The following TMEM135 variants were observed in gnomAD, a reference collection of about 807,000 sequenced individuals.
TMEM135 encodes the protein peroxisomal membrane protein 52.
A neutral mutation model predicts 60.3 loss-of-function variants in TMEM135; 30 were observed. The observed-to-expected ratio is 0.50, with a 90% CI of 0.37 to 0.68. The LOEUF (loss-of-function observed/expected upper bound fraction) is 0.68. Among genes scored for constraint, TMEM135 ranks in the 30% least tolerant of loss-of-function variants. The probability of loss-of-function intolerance (pLI) is 0.00; values close to 1 mark genes in which losing one functional copy is unlikely to be tolerated. For missense variants in TMEM135, 468 were observed against 548.8 expected, an observed-to-expected ratio of 0.85 and a Z score of 1.47; for synonymous variants, 190 against 186.7, an observed-to-expected ratio of 1.02 and a Z score of -0.14.
rs764935516 is a variant in TMEM135, at chr11:87,324,646, G to C, written c.*3313G>C. The C allele has an allele frequency of 2.2e-6, 1 of 450,202 alleles. No individual in the cohort carries two copies. The highest frequency in any genetic ancestry group is 1.6e-5 in the South Asian group (1 of 63,466). The allele number at this position is 450,202 out of a possible 1,614,324, so 27.9% of individuals were successfully genotyped here. A position where few individuals can be genotyped will look rare whatever the true frequency, so the allele number is the denominator to read the frequency against. ...AGGTGTTGCTATGTTGTCCAGGCTG[G>C]TCTTAAACTCCTGGCCTCAAGTGAT... On this transcript the variant is annotated 3_prime_UTR_variant, in exon 15 of 15. Transcript: ENST00000305494.
chr11:87,306,902 G>A (rs1436468108), intron 9 of TMEM135, among the ~76,000 whole-genome samples: 2 of 151,906 alleles, frequency 1.3e-5, no homozygotes, highest in Admixed American at 6.6e-5. Flanking sequence ...TTGTGTTTTA[G>A]TAGAGGCAGG....
chr11:87,142,189 G>T (rs1379728920), intron 4 of TMEM135, among the ~76,000 whole-genome samples: 3 of 152,204 alleles, frequency 2.0e-5, no homozygotes, highest in Non-Finnish European at 2.9e-5. Context: ...GAGCATGGAT[G>T]AGCTCGAGCA....
intron 2 of TMEM135, 139 bp downstream of exon 2, chr11:87,067,960 A>C: frequency 9.4e-7 from 1 of 1,060,832 alleles, no homozygotes; most frequent in Non-Finnish European, 1.4e-6. Flanking sequence ...ATTTATGTCA[A>C]TGAAAGCTTG....
At chr11:87,120,109 T>A (rs1350219479) in intron 4 of TMEM135, among the ~76,000 whole-genome samples, 3 of 135,568 alleles carry the variant, frequency 2.2e-5, no homozygotes, top group Non-Finnish European at 4.8e-5. Context: ...GTTTTTTTCT[T>A]CTTCTTCTTT....
intron 5 of TMEM135, among the ~76,000 whole-genome samples, chr11:87,161,574 T>A (rs1033549391): frequency 6.6e-6 from 1 of 152,196 alleles, no homozygotes; most frequent in Non-Finnish European, 1.5e-5. Flanking sequence ...AAGGCAGGAT[T>A]TCAAACCCTG....
At chr11:87,195,756 T>C (rs1591094817) in intron 5 of TMEM135, among the ~76,000 whole-genome samples, 1 of 152,184 alleles carries the variant, frequency 6.6e-6, no homozygotes, top group Non-Finnish European at 1.5e-5. Context: ...TGTTTTTGCA[T>C]GCCTGTTATT....
chr11:87,060,535 A>G (rs1949935662), intron 1 of TMEM135, among the ~76,000 whole-genome samples: 1 of 152,226 alleles, frequency 6.6e-6, no homozygotes, highest in African/African-American at 2.4e-5. Flanking sequence ...ATGTGTTTTG[A>G]CTTCAACATC....
At chr11:87,122,784 T>C (rs1937624699) in intron 4 of TMEM135, among the ~76,000 whole-genome samples, 2 of 152,178 alleles carry the variant, frequency 1.3e-5, no homozygotes, top group African/African-American at 4.8e-5. Context: ...TTTAAATCTA[T>C]CCGGCTATTA....
Position 87,223,696 on chromosome 11 carries a change from C to CACAT in TMEM135, c.463-12941_463-12940insCATA, listed in dbSNP as rs1326714722. 2.8e-3 allele frequency among the ~76,000 whole-genome samples: 421 copies of CACAT among 149,520 alleles called. 1 individual carries two copies. The highest frequency in any genetic ancestry group is 1.0e-2 in the African/African-American group (405 of 40,560). On this transcript the variant is annotated intron_variant, in intron 5 of 14. Transcript: ENST00000305494. ...ACACACACACACACACACACACACA[C>CACAT]AAAATTAGCTGGGTGTGGTTGTGTA...
At chr11:87,308,346 T>TTTTC (rs1189887754) in intron 9 of TMEM135, among the ~76,000 whole-genome samples, 2 of 152,222 alleles carry the variant, frequency 1.3e-5, no homozygotes, top group African/African-American at 4.8e-5. Flanking sequence ...AATGGCAAGA[T>TTTTC]GAAAGTGTGA....
chr11:87,068,029 G>T (rs1024095217), intron 2 of TMEM135, among the ~76,000 whole-genome samples: 5 of 151,530 alleles, frequency 3.3e-5, no homozygotes, highest in Non-Finnish European at 5.9e-5. Flanking sequence ...TTAAATTATT[G>T]GTGTAATTAT....
At chr11:87,045,682 G>C (rs561485648) in intron 1 of TMEM135, among the ~76,000 whole-genome samples, 19 of 152,334 alleles carry the variant, frequency 1.2e-4, no homozygotes, top group African/African-American at 4.6e-4. Flanking sequence ...TATTGTGATA[G>C]AGATTAGTCT....
intron 1 of TMEM135, among the ~76,000 whole-genome samples, chr11:87,065,996 ATT>A (rs980214078): frequency 3.0e-4 from 46 of 152,270 alleles, no homozygotes; most frequent in African/African-American, 1.1e-3. Context: ...CTTATTCATC[ATT>A]GTTTTGCCTG....
At position 87,314,413 on chromosome 11, in the gene TMEM135, C is replaced by T. The variant is rs956246761; in HGVS notation, c.1001-58C>T. 10 of 1,406,024 alleles carry T rather than the reference C, an allele frequency of 7.1e-6. No individual in the cohort carries two copies. The African/African-American group carries it at 8.5e-5, about 12-fold the overall frequency. The allele number at this position is 1,406,024 out of a possible 1,614,324, so 87.1% of individuals were successfully genotyped here. A position where few individuals can be genotyped will look rare whatever the true frequency, so the allele number is the denominator to read the frequency against. ...GTAAGTGAATTAACATTTCTGATGA[C>T]ATAATAACAAATAAATACTCTGCGA... On this transcript the variant is annotated intron_variant, in intron 11 of 14. Transcript: ENST00000305494.
intron 6 of TMEM135, among the ~76,000 whole-genome samples, chr11:87,265,974 A>G (rs1428791495): frequency 6.6e-6 from 1 of 152,148 alleles, no homozygotes; most frequent in Non-Finnish European, 1.5e-5. Flanking sequence ...CCTTACAGCT[A>G]AAAGGTTTTC....
At chr11:87,134,018 AT>A (rs34749280) in intron 4 of TMEM135, among the ~76,000 whole-genome samples, 113,630 of 149,712 alleles carry the variant, frequency 0.76, 43,800 homozygotes, top group East Asian at 0.91. Context: ...ATATGCTTTC[AT>A]TTTTTTTTTT....
chr11:87,138,546 A>G (rs1442862260), intron 4 of TMEM135, among the ~76,000 whole-genome samples: 1 of 152,080 alleles, frequency 6.6e-6, no homozygotes, highest in Non-Finnish European at 1.5e-5. Flanking sequence ...AGTCCAAACA[A>G]TGACTTACTC....
At chr11:87,091,302 G>A in intron 3 of TMEM135, 60 bp from the exon 4 acceptor site, 1 of 1,415,016 alleles carries the variant, frequency 7.1e-7, no homozygotes, top group Non-Finnish European at 1.0e-6. Flanking sequence ...TCTAATAAAT[G>A]ATAAAGTGAT....
intron 4 of TMEM135, among the ~76,000 whole-genome samples, chr11:87,126,957 G>T (rs61904213): frequency 6.6e-6 from 1 of 151,998 alleles, no homozygotes; most frequent in Non-Finnish European, 1.5e-5. Context: ...ATTGGAATCT[G>T]TTACATCCTT....
Sources: allele counts gnomAD v4.1 joint callset (sites outside exome capture counted in the v4.1 genomes callset), GRCh38; gene constraint gnomAD v4.1.1; transcripts MANE v1.5; gene names NCBI Gene and HGNC (gene_info 2026-07-23, HGNC 2026-07-21).